The following SH3RF3 variants were observed in gnomAD, a reference collection of about 807,000 sequenced individuals.
The protein encoded by SH3RF3 is SH3 domain containing ring finger 3.
SH3RF3 carries 29 observed loss-of-function variants against 66.3 expected under a neutral mutation model. The observed-to-expected ratio is 0.44, with a 90% CI of 0.33 to 0.60. The LOEUF (loss-of-function observed/expected upper bound fraction) is 0.60. Among genes scored for constraint, SH3RF3 ranks in the 20% least tolerant of loss-of-function variants. SH3RF3 has a pLI of 0.04. For missense variants in SH3RF3, 1,194 were observed against 1,190.9 expected (o/e 1.00, Z -0.04); for synonymous variants, 583 against 532.0 (o/e 1.10, Z -1.32).
chr2:109,244,383 T>A (rs1679861162), intron 1 of SH3RF3, among the ~76,000 whole-genome samples: 1 of 152,204 alleles, frequency 6.6e-6, no homozygotes, highest in African/African-American at 2.4e-5. Flanking sequence ...CAGGTGGTAT[T>A]ATGAAAGTAA....
chr2:109,152,779 C>G (rs3889200), intron 1 of SH3RF3, among the ~76,000 whole-genome samples: 1 of 152,008 alleles, frequency 6.6e-6, no homozygotes, highest in African/African-American at 2.4e-5. Flanking sequence ...CCCTCCCAGG[C>G]CCGATGGCCT....
chr2:109,500,582 G>A (rs1679363147), intron 9 of SH3RF3, among the ~76,000 whole-genome samples: 1 of 152,184 alleles, frequency 6.6e-6, no homozygotes, highest in Non-Finnish European at 1.5e-5. Flanking sequence ...TATTGATGTT[G>A]ATGTTGTGGC....
chr2:109,317,796 G>A (rs1262015613), intron 1 of SH3RF3, among the ~76,000 whole-genome samples: 1 of 152,166 alleles, frequency 6.6e-6, no homozygotes, highest in Non-Finnish European at 1.5e-5. Flanking sequence ...GTGCTAACTG[G>A]GGATGTATCC....
chr2:109,372,289 A>T (rs1336048184), intron 3 of SH3RF3, among the ~76,000 whole-genome samples: 1 of 152,186 alleles, frequency 6.6e-6, no homozygotes, highest in Non-Finnish European at 1.5e-5. Context: ...CTGTGCAGAA[A>T]GCATCTTAAC....
intron 1 of SH3RF3, among the ~76,000 whole-genome samples, chr2:109,231,972 A>G (rs1336441798): frequency 6.6e-6 from 1 of 152,208 alleles, no homozygotes; most frequent in Non-Finnish European, 1.5e-5. Flanking sequence ...ACATTGTAGA[A>G]TATTTTATCC....
chr2:109,281,094 C>T (rs750288004), intron 1 of SH3RF3, among the ~76,000 whole-genome samples: 9 of 152,204 alleles, frequency 5.9e-5, no homozygotes, highest in African/African-American at 2.2e-4. Flanking sequence ...TGGTTACTTA[C>T]TGCACACCCT....
At chr2:109,360,505 G>A (rs1574596889) in intron 2 of SH3RF3, among the ~76,000 whole-genome samples, 3 of 152,276 alleles carry the variant, frequency 2.0e-5, no homozygotes, top group South Asian at 2.1e-4. Flanking sequence ...TGAATTTTGT[G>A]TTTAGACTGG....
rs570440314 is a variant in SH3RF3, at chr2:109,410,428, C to T, written c.1300-9111C>T. 3.9e-5 allele frequency among the ~76,000 whole-genome samples: 6 copies of T among 152,340 alleles called. No individual in the cohort carries two copies. In the East Asian group the frequency reaches 7.7e-4, roughly 20 times the overall value. ...TCGGTGCGGAGGGCCCCTGCAGCTC[C>T]GTGCACCCAGGGGGCAGCATCAGCG... On this transcript the variant is annotated intron_variant, in intron 4 of 9. Coordinates refer to ENST00000309415, the MANE Select transcript of SH3RF3 (RefSeq NM_001099289.3).
chr2:109,334,493 A>G (rs1682361238), intron 1 of SH3RF3, among the ~76,000 whole-genome samples: 1 of 152,190 alleles, frequency 6.6e-6, no homozygotes, highest in South Asian at 2.1e-4. Flanking sequence ...CCTCGCAATA[A>G]GGGCACAGAC....
chr2:109,338,621 G>A (rs1364255277), intron 1 of SH3RF3, among the ~76,000 whole-genome samples: 3 of 152,132 alleles, frequency 2.0e-5, no homozygotes, highest in African/African-American at 4.8e-5. Context: ...GCAGTGGTAC[G>A]ATCTTGGCTC....
chr2:109,347,779 G>A lies in SH3RF3; in HGVS notation c.679G>A (p.Val227Met), dbSNP rs1682748497. The A allele has an allele frequency of 1.2e-6, 2 of 1,613,892 alleles. No individual in the cohort carries two copies. Among genetic ancestry groups the A allele is most frequent in the Admixed American group, 1.7e-5 (1 of 60,010 alleles). The change falls in exon 2 of 10, where the codon GTG becomes ATG. Residue 227 changes from valine to methionine, a missense_variant. Transcript: ENST00000309415. ...KGDIIVLRRKVDEQWYHGELH... is the reference protein window; with the variant it reads ...KGDIIVLRRKMDEQWYHGELH... ...GGACATCATCGTCCTGCGGCGCAAG[G>A]TGGATGAACAGTGGTACCACGGCGA...
intron 1 of SH3RF3, among the ~76,000 whole-genome samples, chr2:109,300,932 C>T (rs1487625638): frequency 6.6e-6 from 1 of 152,246 alleles, no homozygotes; most frequent in African/African-American, 2.4e-5. Context: ...GTGAGGGCCA[C>T]AGCATGGCTG....
chr2:109,343,079 C>T (rs571990994), intron 1 of SH3RF3, among the ~76,000 whole-genome samples: 1 of 152,302 alleles, frequency 6.6e-6, no homozygotes, highest in East Asian at 1.9e-4. Context: ...AGAAAGCAAA[C>T]AGGCTCTGGA....
chr2:109,283,737 G>A (rs972812284), intron 1 of SH3RF3, among the ~76,000 whole-genome samples: 1 of 152,222 alleles, frequency 6.6e-6, no homozygotes, highest in Non-Finnish European at 1.5e-5. Context: ...GCTGGCCTGA[G>A]CCACAGAGGT....
In SH3RF3 at chr2:109,186,665, C is replaced by G. The variant is rs375698422; in HGVS notation, c.573+56552C>G. Among the ~76,000 whole-genome samples, 5 of 152,240 alleles carry G rather than the reference C, an allele frequency of 3.3e-5. No individual in the cohort carries two copies. In the East Asian group the frequency reaches 5.8e-4, roughly 18 times the overall value. ...GATGGAGCCCCCTAGGAAGACCCTG[C>G]GGGAAATGCATCTTACTAGCTTTTC... On this transcript the variant is annotated intron_variant, in intron 1 of 9. Transcript: ENST00000309415.
intron 1 of SH3RF3, among the ~76,000 whole-genome samples, chr2:109,184,919 A>G (rs1258396959): frequency 6.6e-6 from 1 of 152,250 alleles, no homozygotes; most frequent in East Asian, 1.9e-4. Flanking sequence ...CAAGAATGTA[A>G]GAAAATATAT....
At chr2:109,400,945 T>G (rs1212927965) in intron 4 of SH3RF3, among the ~76,000 whole-genome samples, 2 of 152,226 alleles carry the variant, frequency 1.3e-5, no homozygotes, top group African/African-American at 2.4e-5. Flanking sequence ...ACTCCACTCC[T>G]GACCTGGGCT....
intron 1 of SH3RF3, among the ~76,000 whole-genome samples, chr2:109,161,039 T>C (rs184884012): frequency 6.6e-6 from 1 of 151,890 alleles, no homozygotes; most frequent in Non-Finnish European, 1.5e-5. Context: ...CTGTGAGAGA[T>C]GGAGAGGCAG....
chr2:109,236,184 A>T (rs918761706), intron 1 of SH3RF3, among the ~76,000 whole-genome samples: 1 of 152,210 alleles, frequency 6.6e-6, no homozygotes, highest in Non-Finnish European at 1.5e-5. Flanking sequence ...AAAGAAAGAA[A>T]ACTTTCTGGA....
Sources: gnomAD v4.1 joint callset for allele counts (sites outside exome capture counted in the v4.1 genomes callset) on GRCh38, gnomAD v4.1.1 for gene constraint, MANE v1.5 for transcripts, NCBI Gene and HGNC (gene_info 2026-07-23, HGNC 2026-07-21) for gene names.